The following ABCD4 variants were observed in gnomAD, a reference collection of about 807,000 sequenced individuals.
The protein encoded by ABCD4 is lysosomal cobalamin transporter ABCD4.
A neutral mutation model predicts 86.3 loss-of-function variants in ABCD4; 53 were observed. That is an observed-to-expected ratio of 0.61 (90% CI 0.49 to 0.77). ABCD4 has a LOEUF of 0.77. Ranked by LOEUF, ABCD4 falls within the 30% of genes least tolerant of loss-of-function variation. ABCD4 has a pLI of 0.00. For missense variants in ABCD4, 757 were observed against 764.5 expected, an observed-to-expected ratio of 0.99 and a Z score of 0.12; for synonymous variants, 328 against 313.6, an observed-to-expected ratio of 1.05 and a Z score of -0.49.
intron 16 of ABCD4, 28 bp from the exon 17 acceptor site, chr14:74,287,914 T>C: frequency 6.3e-7 from 1 of 1,588,562 alleles, no homozygotes; most frequent in Non-Finnish European, 8.6e-7. Flanking sequence ...AGAGGACTGC[T>C]AGAGGAGGAA....
chr14:74,290,672 G>A (rs552921628), intron 11 of ABCD4, among the ~76,000 whole-genome samples, 173 bp from the exon 12 acceptor site: 274 of 149,092 alleles, frequency 1.8e-3, no homozygotes, highest in African/African-American at 6.5e-3. Flanking sequence ...AACTGCATTC[G>A]GAGGCAGGGT....
chr14:74,288,142 G>T, intron 16 of ABCD4, 65 bp downstream of exon 16: 1 of 1,559,018 alleles, frequency 6.4e-7, no homozygotes, highest in Non-Finnish European at 8.8e-7. Context: ...TTCCTTGACA[G>T]GGACCCTGAA....
rs2079578190 is a variant in ABCD4 at position 74,285,560 on chromosome 14, C to T, written c.*901G>A. 1 of 152,078 alleles carries T rather than the reference C, an allele frequency of 6.6e-6. No homozygotes were observed. Among genetic ancestry groups the T allele is most frequent in the Non-Finnish European group, 1.5e-5 (1 of 68,012 alleles). 9.4% of individuals were successfully genotyped at this position (152,078 alleles called of 1,614,324 possible). A position where few individuals can be genotyped will look rare whatever the true frequency, so the allele number is the denominator to read the frequency against. On this transcript the variant is annotated 3_prime_UTR_variant, in exon 19 of 19. Coordinates refer to ENST00000356924, the MANE Select transcript of ABCD4 (RefSeq NM_005050.4). ...AAGTACTAGAAGTACAGAAGCCTGG[C>T]AAAAATTATGAAGGTAAGGAAGGTA...
chr14:74,288,626 G>T (rs770638008), intron 15 of ABCD4, 90 bp downstream of exon 15: 1 of 1,442,580 alleles, frequency 6.9e-7, no homozygotes, highest in South Asian at 1.2e-5. Context: ...TTCCAGTCCT[G>T]GGCCCAAGCA....
chr14:74,299,871 G>A lies in ABCD4; in HGVS notation c.158-196C>T, dbSNP rs1296006552. The A allele has an allele frequency of 1.5e-5, 9 of 591,664 alleles. No homozygotes were observed. The East Asian group carries it at 2.1e-4, about 14-fold the overall frequency. 36.7% of individuals were successfully genotyped at this position (591,664 alleles called of 1,614,324 possible). ...GAGGTCATGAGTTCGAGATCAGCCT[G>A]GCCAAGATGGTGAAACCCTGTCTTT... is the stretch of plus-strand genomic sequence containing the variant. On this transcript the variant is annotated intron_variant, in intron 2 of 18. Transcript: ENST00000356924.
Position 74,290,636 on chromosome 14 carries a change from T to C in ABCD4, c.1119-137A>G, listed in dbSNP as rs1346485945. 5 of 637,176 alleles carry C rather than the reference T, an allele frequency of 7.8e-6. No individual in the cohort carries two copies. In the East Asian group the frequency reaches 1.1e-4, roughly 14 times the overall value. 39.5% of individuals were successfully genotyped at this position (637,176 alleles called of 1,614,324 possible). On this transcript the variant is annotated intron_variant, in intron 11 of 18. Transcript: ENST00000356924. ...ATCCTCCCAAAATCACATGCTGAAG[T>C]CCAGCCCCCTAGTGACTCAGAATGT...
In ABCD4 at chr14:74,295,103, C is replaced by G. The variant is rs761335124; in HGVS notation, c.719+45G>C. 3.7e-6 allele frequency: 6 copies of G among 1,608,902 alleles called. No homozygotes were observed. The Admixed American group carries it at 6.7e-5, about 18-fold the overall frequency. On this transcript the variant is annotated intron_variant, in intron 7 of 18. Coordinates refer to ENST00000356924, the MANE Select transcript of ABCD4 (RefSeq NM_005050.4). ...GAGGATTCATCTTTCCTTCTCCACT[C>G]TCAGCTCTGGCAAGGCAGAAGGGGA...
intron 5 of ABCD4, 149 bp from the exon 6 acceptor site, chr14:74,296,128 G>GAGT: frequency 8.1e-7 from 1 of 1,229,290 alleles, no homozygotes; most frequent in Non-Finnish European, 1.1e-6. Flanking sequence ...GGGGGCATCT[G>GAGT]GTATGAGCTC....
At position 74,299,695 on chromosome 14, in the gene ABCD4, T is replaced by A. The variant is rs1247416190; in HGVS notation, c.158-20A>T. The A allele has an allele frequency of 1.2e-6, 2 of 1,602,232 alleles. No homozygotes were observed. Among genetic ancestry groups the A allele is most frequent in the Non-Finnish European group, 8.5e-7 (1 of 1,174,256 alleles). On this transcript the variant is annotated intron_variant, in intron 2 of 18. Transcript: ENST00000356924. ...ATTGCTCTGAAAGGAGGGAGAGGAG[T>A]AAGAAATCAGTGATGAGGGGTTAAA...
chr14:74,290,163 G>T (rs971802263), intron 12 of ABCD4, 45 bp from the exon 13 acceptor site: 1 of 1,612,890 alleles, frequency 6.2e-7, no homozygotes, highest in African/African-American at 1.3e-5. Flanking sequence ...TCCCAGAAGA[G>T]GCAACTGCCT....
At chr14:74,289,281 C>T (rs1386533224) in intron 14 of ABCD4, 3 of 1,381,662 alleles carry the variant, frequency 2.2e-6, no homozygotes, top group East Asian at 5.4e-5. Flanking sequence ...CAGTGGGCAT[C>T]TCTCCTTAAG....
At chr14:74,290,521 G>T (rs753015601) in intron 11 of ABCD4, 22 bp from the exon 12 acceptor site, 4 of 1,601,248 alleles carry the variant, frequency 2.5e-6, no homozygotes, top group Non-Finnish European at 3.4e-6. Context: ...AAGAGAGGGG[G>T]CGTGAGGAAG....
Position 74,286,320 on chromosome 14 carries a change from G to C in ABCD4, c.*141C>G, listed in dbSNP as rs568073928. On this transcript the variant is annotated 3_prime_UTR_variant, in exon 19 of 19. Coordinates refer to ENST00000356924, the MANE Select transcript of ABCD4 (RefSeq NM_005050.4). ...CCTGGGCTCAGCCCACCACTGCTAG[G>C]GGTCCTGCACAGGACCCATGTGGCT... The C allele has an allele frequency of 3.9e-4, 319 of 817,870 alleles. No individual in the cohort carries two copies. The South Asian group carries it at 4.8e-3, about 12-fold the overall frequency. 50.7% of individuals were successfully genotyped at this position (817,870 alleles called of 1,614,324 possible).
intron 11 of ABCD4, among the ~76,000 whole-genome samples, chr14:74,291,558 C>T (rs776082318): frequency 7.2e-5 from 11 of 152,298 alleles, no homozygotes; most frequent in Non-Finnish European, 1.5e-4. Flanking sequence ...TGCCTGGCTC[C>T]CCACAGAACA....
At chr14:74,291,178 G>A (rs574881983) in intron 11 of ABCD4, among the ~76,000 whole-genome samples, 2 of 152,300 alleles carry the variant, frequency 1.3e-5, no homozygotes, top group East Asian at 3.9e-4. Context: ...CTTGATCGTG[G>A]ACCATAAGCA....
chr14:74,290,962 C>T (rs1196329451), intron 11 of ABCD4, among the ~76,000 whole-genome samples: 1 of 151,658 alleles, frequency 6.6e-6, no homozygotes, highest in South Asian at 2.1e-4. Flanking sequence ...CGTGAGCTTC[C>T]GTGCCCAGCT....
intron 6 of ABCD4, 82 bp downstream of exon 6, chr14:74,295,772 T>A: frequency 6.3e-7 from 1 of 1,581,780 alleles, no homozygotes; most frequent in Non-Finnish European, 8.6e-7. Context: ...CAGCTAGGAT[T>A]TGAACTTAGG....
chr14:74,288,123 G>A, intron 16 of ABCD4, 84 bp downstream of exon 16: 5 of 1,456,158 alleles, frequency 3.4e-6, no homozygotes, highest in Non-Finnish European at 4.7e-6. Flanking sequence ...GGGGTCAGGA[G>A]CCGTTCCATT....
At chr14:74,289,869 G>A in intron 13 of ABCD4, 158 bp downstream of exon 13, 1 of 1,471,652 alleles carries the variant, frequency 6.8e-7, no homozygotes, top group Non-Finnish European at 9.0e-7. Context: ...GATGTGAATA[G>A]AAGGTTCTTA....
Sources: allele counts gnomAD v4.1 joint callset (sites outside exome capture counted in the v4.1 genomes callset), GRCh38; gene constraint gnomAD v4.1.1; transcripts MANE v1.5; gene names NCBI Gene and HGNC (gene_info 2026-07-23, HGNC 2026-07-21).